The following NOL4 variants were observed in gnomAD, a reference collection of about 807,000 sequenced individuals.
NOL4 encodes the protein cancer/testis antigen 125.
NOL4 carries 17 observed loss-of-function variants against 75.9 expected under a neutral mutation model. The ratio of observed to expected loss-of-function variants is 0.22; its 90% CI spans 0.15 to 0.34. The LOEUF (loss-of-function observed/expected upper bound fraction) is 0.34, where lower values mean the gene tolerates loss of function less well. NOL4 is among the 10% of genes least tolerant of loss of function. NOL4 has a pLI of 1.00. For synonymous variants in NOL4, 292 were observed against 289.9 expected (o/e 1.01, Z -0.07); for missense variants, 614 against 793.5 (o/e 0.77, Z 2.72).
At chr18:34,003,334 AT>A (rs1308333799) in intron 6 of NOL4, among the ~76,000 whole-genome samples, 1 of 151,990 alleles carries the variant, frequency 6.6e-6, no homozygotes, top group Non-Finnish European at 1.5e-5. Context: ...TAGCAACTGC[AT>A]TTTGTTGATT....
chr18:33,993,444 C>G (rs1046909597), intron 6 of NOL4, among the ~76,000 whole-genome samples: 11 of 151,838 alleles, frequency 7.2e-5, no homozygotes, highest in African/African-American at 2.4e-4. Context: ...AAGAAAGTCA[C>G]TAACCAAATA....
chr18:33,941,451 C>T (rs969409766), intron 9 of NOL4, among the ~76,000 whole-genome samples: 1 of 151,922 alleles, frequency 6.6e-6, no homozygotes. Context: ...CTAGAACTAG[C>T]ATCTGTTCTC....
chr18:33,996,619 A>G lies in NOL4; in HGVS notation c.1056+22699T>C, dbSNP rs2073305574. Reference sequence around the variant, plus strand: ...ATCTGTTGCTCTCATCTTTATTTCCATGTGTACCTAATGCTTAGGGCCCAC... The same window carrying G: ...ATCTGTTGCTCTCATCTTTATTTCCGTGTGTACCTAATGCTTAGGGCCCAC... On this transcript the variant is annotated intron_variant, in intron 6 of 10. Transcript: ENST00000261592. Among the ~76,000 whole-genome samples, 3 of 151,864 alleles carry G rather than the reference A, an allele frequency of 2.0e-5. No homozygotes were observed. The South Asian group carries it at 6.2e-4, about 32-fold the overall frequency.
chr18:34,004,127 T>C (rs1436922288), intron 6 of NOL4, among the ~76,000 whole-genome samples: 1 of 152,190 alleles, frequency 6.6e-6, no homozygotes, highest in Middle Eastern at 3.4e-3. Context: ...TTCAATCAAC[T>C]GCCCATCAGA....
At chr18:34,173,438 T>C (rs2033238245) in intron 1 of NOL4, among the ~76,000 whole-genome samples, 1 of 152,172 alleles carries the variant, frequency 6.6e-6, no homozygotes, top group African/African-American at 2.4e-5. Flanking sequence ...ATATGGTGGA[T>C]ATGTTAACTT....
intron 10 of NOL4, among the ~76,000 whole-genome samples, chr18:33,877,437 T>TAAA (rs35251455): frequency 1.5e-4 from 16 of 106,216 alleles, no homozygotes; most frequent in Admixed American, 4.1e-4. Context: ...GACCTTGCCT[T>TAAA]AAAAAAAAAA....
chr18:34,093,778 G>A (rs1049574122), intron 4 of NOL4, among the ~76,000 whole-genome samples, 181 bp from the exon 5 acceptor site: 1 of 152,176 alleles, frequency 6.6e-6, no homozygotes, highest in African/African-American at 2.4e-5. Context: ...GGTGGCTCAG[G>A]TCTGTAATCC....
At chr18:33,909,918 T>A (rs1386864234) in intron 9 of NOL4, among the ~76,000 whole-genome samples, 1 of 152,098 alleles carries the variant, frequency 6.6e-6, no homozygotes, top group Admixed American at 6.6e-5. Flanking sequence ...GGATGGGTGT[T>A]CAAGAGGGAA....
chr18:34,073,158 G>GATAACCCCTTGAAATAACCA (rs2077592750), intron 5 of NOL4, among the ~76,000 whole-genome samples: 1 of 151,860 alleles, frequency 6.6e-6, no homozygotes, highest in Non-Finnish European at 1.5e-5. Context: ...TAATAAAATT[G>GATAACCCCTTGAAATAACCA]ATAACCCCTT....
intron 5 of NOL4, among the ~76,000 whole-genome samples, chr18:34,035,998 A>G (rs773907843): frequency 7.2e-5 from 11 of 152,176 alleles, no homozygotes. Context: ...CTTCCAACAA[A>G]GCAAAGACCA....
chr18:34,159,385 T>G (rs913471270), intron 1 of NOL4, among the ~76,000 whole-genome samples: 3 of 152,072 alleles, frequency 2.0e-5, no homozygotes, highest in Non-Finnish European at 2.9e-5. Context: ...GGGGCCTGGA[T>G]GAGATCTGCG....
At chr18:34,153,500 A>G (rs910982964) in intron 1 of NOL4, among the ~76,000 whole-genome samples, 1 of 151,986 alleles carries the variant, frequency 6.6e-6, no homozygotes, top group East Asian at 1.9e-4. Flanking sequence ...TATTATTCCC[A>G]TTTCACAGGT....
At chr18:34,215,172 T>A (rs1284394468) in intron 1 of NOL4, among the ~76,000 whole-genome samples, 2 of 152,176 alleles carry the variant, frequency 1.3e-5, no homozygotes, top group African/African-American at 4.8e-5. Flanking sequence ...GTTTTTTTTA[T>A]CACAATTAAA....
chr18:34,050,864 T>C (rs970884418), intron 5 of NOL4, among the ~76,000 whole-genome samples: 1 of 151,974 alleles, frequency 6.6e-6, no homozygotes, highest in Non-Finnish European at 1.5e-5. Context: ...GGAGCCTACA[T>C]AGTAAGGGGA....
At chr18:33,976,970 C>G (rs184283732) in intron 6 of NOL4, among the ~76,000 whole-genome samples, 2 of 152,128 alleles carry the variant, frequency 1.3e-5, no homozygotes, top group Admixed American at 1.3e-4. Context: ...TTTTGCACTA[C>G]TCTTAGGTTG....
chr18:34,027,542 A>G (rs1435634676), intron 5 of NOL4, among the ~76,000 whole-genome samples: 1 of 152,178 alleles, frequency 6.6e-6, no homozygotes, highest in African/African-American at 2.4e-5. Context: ...TGTATAGTAG[A>G]TATTCAGCAA....
chr18:34,194,123 A>G (rs1311554525), intron 1 of NOL4, among the ~76,000 whole-genome samples: 2 of 152,182 alleles, frequency 1.3e-5, no homozygotes, highest in Non-Finnish European at 2.9e-5. Flanking sequence ...AATTTCACTT[A>G]GGAGGAATAA....
chr18:34,147,264 AG>A (rs1412949448), intron 1 of NOL4, among the ~76,000 whole-genome samples: 1 of 152,022 alleles, frequency 6.6e-6, no homozygotes, highest in African/African-American at 2.4e-5. Flanking sequence ...GTTGAATAGG[AG>A]TGGTGAGAGA....
At chr18:33,927,975 T>C (rs1712116816) in intron 9 of NOL4, among the ~76,000 whole-genome samples, 1 of 152,178 alleles carries the variant, frequency 6.6e-6, no homozygotes, top group South Asian at 2.1e-4. Context: ...CTAGTTCAGT[T>C]TCTCTAATAC....
Sources: gnomAD v4.1 joint callset for allele counts (sites outside exome capture counted in the v4.1 genomes callset) on GRCh38, gnomAD v4.1.1 for gene constraint, MANE v1.5 for transcripts, NCBI Gene and HGNC (gene_info 2026-07-23, HGNC 2026-07-21) for gene names.